TLR5: variants seen among roughly 807,000 people sequenced by gnomAD.
The protein encoded by TLR5 is toll-like receptor 5.
For missense variants in TLR5, 944 were observed against 999.8 expected (o/e 0.94, Z 0.75); for synonymous variants, 373 against 384.4 (o/e 0.97, Z 0.35).
At chr1:223,127,040 T>C (rs562614028) in intron 5 of TLR5, 1 of 152,216 alleles carries the variant, frequency 6.6e-6, no homozygotes, top group Admixed American at 6.5e-5. Context: ...GGCCATGGTG[T>C]CTCTGCAGCA....
In TLR5 at chr1:223,111,603, G is replaced by T. The variant is rs561474557; in HGVS notation, c.1429C>A (p.Gln477Lys). 6.2e-7 allele frequency: 1 copy of T among 1,614,168 alleles called. No individual in the cohort carries two copies. The highest frequency in any genetic ancestry group is 1.7e-5 in the Admixed American group (1 of 60,020). The part of the protein sequence containing the change: ...QTPSENPSLE[Q>K]LFLGENMLQL... ...AACATATTTTCTCCAAGGAAAAGCT[G>T]TTCTAAGCTGGGATTCTCTGAAGGG... Residue 477 changes from glutamine to lysine, a missense_variant, in exon 6 of 6, where the codon CAG becomes AAG. By Grantham distance (53) the Gln-to-Lys change is moderately conservative. Coordinates refer to ENST00000642603, the MANE Select transcript of TLR5 (RefSeq NM_003268.6).
At chr1:223,128,551 A>C (rs1229353157) in intron 5 of TLR5, 4 of 150,284 alleles carry the variant, frequency 2.7e-5, no homozygotes, top group Non-Finnish European at 5.9e-5. Flanking sequence ...GGAGTGAGGC[A>C]GTAGAATAGG....
chr1:223,136,364 T>C (rs1657614330), intron 3 of TLR5, among the ~76,000 whole-genome samples: 1 of 152,138 alleles, frequency 6.6e-6, no homozygotes, highest in South Asian at 2.1e-4. Context: ...TGGCAATGCA[T>C]AAGAGATCTG....
At chr1:223,136,556 A>C (rs969821516) in intron 3 of TLR5, among the ~76,000 whole-genome samples, 4 of 152,218 alleles carry the variant, frequency 2.6e-5, no homozygotes, top group African/African-American at 9.6e-5. Context: ...AAATAAAAGA[A>C]AAGGTAGTCT....
chr1:223,125,775 C>G (rs970495479), intron 5 of TLR5, among the ~76,000 whole-genome samples: 1 of 152,134 alleles, frequency 6.6e-6, no homozygotes, highest in African/African-American at 2.4e-5. Context: ...CCGGAATCAC[C>G]AGGAGACTTT....
At position 223,121,740 on chromosome 1, in the gene TLR5, G is replaced by A. The variant is rs533890677; in HGVS notation, c.-4-8705C>T. On this transcript the variant is annotated intron_variant, in intron 5 of 5. Coordinates refer to ENST00000642603, the MANE Select transcript of TLR5 (RefSeq NM_003268.6). ...TTGCCATATTGCCCAGAATGGTCTC[G>A]AACTCCTGGGCTCAAGCAATCAGCC... 3.3e-5 allele frequency among the ~76,000 whole-genome samples: 5 copies of A among 152,190 alleles called. No homozygotes were observed. In the East Asian group the frequency reaches 5.8e-4, roughly 18 times the overall value.
At chr1:223,138,136 TG>T (rs1050496622) in intron 2 of TLR5, among the ~76,000 whole-genome samples, 1 of 141,672 alleles carries the variant, frequency 7.1e-6, no homozygotes, top group Non-Finnish European at 1.6e-5. Context: ...TTTTTGTGTG[TG>T]GGGGTGGGGG....
chr1:223,110,352 G>GAA lies in TLR5; in HGVS notation c.*101_*102dup, dbSNP rs533301769. On this transcript the variant is annotated 3_prime_UTR_variant, in exon 6 of 6. Transcript: ENST00000642603. ...TATGTTGTTTTCATAGTAGCAAAAA[G>GAA]AAAAAAAAAACCTCCAGAGAGGACC... The GAA allele has an allele frequency of 2.8e-5, 32 of 1,128,536 alleles. No homozygotes were observed. The highest frequency in any genetic ancestry group is 3.4e-5 in the Non-Finnish European group (27 of 799,112). The allele number at this position is 1,128,536 out of a possible 1,614,324, so 69.9% of individuals were successfully genotyped here.
In TLR5 at chr1:223,109,509, A is replaced by T. The variant is rs1355422821; in HGVS notation, c.*946T>A. 5 of 152,164 alleles carry T rather than the reference A, an allele frequency of 3.3e-5. No homozygotes were observed. The highest frequency in any genetic ancestry group is 7.3e-5 in the Non-Finnish European group (5 of 68,028). The allele number at this position is 152,164 out of a possible 1,614,324, so 9.4% of individuals were successfully genotyped here. On this transcript the variant is annotated 3_prime_UTR_variant, in exon 6 of 6. Transcript: ENST00000642603. ...GTGTATGTGTTCTCTTGTGGTCATTAGGGCAACGAAGGAAAAGATCTGAGA... is the reference window on the plus strand; with the variant it reads ...GTGTATGTGTTCTCTTGTGGTCATTTGGGCAACGAAGGAAAAGATCTGAGA...
rs1258658345 is a variant in TLR5 at position 223,111,044 on chromosome 1, A to C, written c.1988T>G (p.Phe663Cys). The C allele has an allele frequency of 1.2e-6, 2 of 1,614,088 alleles. No individual in the cohort carries two copies. The highest frequency in any genetic ancestry group is 1.7e-6 in the Non-Finnish European group (2 of 1,180,044). The part of the protein sequence containing the change: ...FLMTILTVTK[F>C]RGFCFICYKT... ...ATAACAGATAAAACAGAAGCCCCGG[A>C]ACTTTGTGACTGTGAGGATGGTCAT... The change falls in exon 6 of 6, where the codon TTC (phenylalanine) becomes TGC (cysteine). Residue 663 changes from phenylalanine to cysteine, a missense_variant. By Grantham distance (205) the Phe-to-Cys change is radical. Transcript: ENST00000642603.
Position 223,110,651 on chromosome 1 carries a change from G to A in TLR5, c.2381C>T (p.Ser794Phe). 6.2e-7 allele frequency: 1 copy of A among 1,614,100 alleles called. No homozygotes were observed. Among genetic ancestry groups the A allele is most frequent in the Non-Finnish European group, 8.5e-7 (1 of 1,180,016 alleles). ...NSALIMVVVG[S>F]LSQYQLMKHQ... Reference sequence around the variant, plus strand: ...TTTCATCAACTGGTACTGGGACAAGGACCCAACCACCACCATGATGAGAGC... The same window carrying A: ...TTTCATCAACTGGTACTGGGACAAGAACCCAACCACCACCATGATGAGAGC... The change falls in exon 6 of 6, where the codon TCC (serine) becomes TTC (phenylalanine). Residue 794 changes from serine (S) to phenylalanine (F), a missense_variant. Transcript: ENST00000642603.
chr1:223,134,335 A>C (rs1432668932), intron 4 of TLR5: 1 of 152,144 alleles, frequency 6.6e-6, no homozygotes, highest in Non-Finnish European at 1.5e-5. Context: ...TAGAGAGGGA[A>C]AGGAAATTTC....
intron 5 of TLR5, among the ~76,000 whole-genome samples, chr1:223,132,131 G>T (rs1369857704): frequency 6.6e-6 from 1 of 152,118 alleles, no homozygotes; most frequent in Non-Finnish European, 1.5e-5. Context: ...GGGAGGCCAA[G>T]ATGGGAGGAC....
chr1:223,134,444 A>C (rs1415140942), intron 4 of TLR5: 1 of 152,210 alleles, frequency 6.6e-6, no homozygotes, highest in Non-Finnish European at 1.5e-5. Context: ...CCAGCATCAA[A>C]AAACAGCAAA....
In TLR5 at chr1:223,109,954, CAA is replaced by C; in HGVS notation, c.*499_*500del. On this transcript the variant is annotated 3_prime_UTR_variant, in exon 6 of 6. Coordinates refer to ENST00000642603, the MANE Select transcript of TLR5 (RefSeq NM_003268.6). ...TTGGGGCCACCTCTTATCTATGAGA[CAA>C]AGTGTGACTTGCACTCAACAGTGGC... 1 of 177,250 alleles carries C rather than the reference CAA, an allele frequency of 5.6e-6. No homozygotes were observed. The highest frequency in any genetic ancestry group is 1.5e-4 in the East Asian group (1 of 6,500). 11.0% of individuals were successfully genotyped at this position (177,250 alleles called of 1,614,324 possible). A position where few individuals can be genotyped will look rare whatever the true frequency, so the allele number is the denominator to read the frequency against.
At chr1:223,141,822 T>TAGAGAGAGAGAGAG (rs71592351) in intron 1 of TLR5, 59 bp from the exon 2 acceptor site, 2 of 42,990 alleles carry the variant, frequency 4.7e-5, no homozygotes, top group African/African-American at 1.9e-4. Flanking sequence ...TATATATATA[T>TAGAGAGAGAGAGAG]AGAGAGAGAG....
chr1:223,121,316 G>A (rs367782401), intron 5 of TLR5, among the ~76,000 whole-genome samples: 1 of 152,240 alleles, frequency 6.6e-6, no homozygotes, highest in East Asian at 1.9e-4. Flanking sequence ...TATGTAGGTG[G>A]ATTATGTTAC....
intron 5 of TLR5, chr1:223,123,405 T>C (rs1657027203): frequency 6.6e-6 from 1 of 152,184 alleles, no homozygotes; most frequent in South Asian, 2.1e-4. Flanking sequence ...AAGTACCTAA[T>C]AGGGAAGCTA....
At chr1:223,121,349 TAATA>T (rs1269928674) in intron 5 of TLR5, among the ~76,000 whole-genome samples, 1 of 152,218 alleles carries the variant, frequency 6.6e-6, no homozygotes, top group Non-Finnish European at 1.5e-5. Context: ...CATTTCAAAA[TAATA>T]AAGAGGTCAT....
Sources: gnomAD v4.1 joint callset for allele counts (sites outside exome capture counted in the v4.1 genomes callset) on GRCh38, gnomAD v4.1.1 for gene constraint, MANE v1.5 for transcripts, NCBI Gene and HGNC (gene_info 2026-07-23, HGNC 2026-07-21) for gene names.